Variants in ANK1 observed in about 807,000 individuals in gnomAD.
ANK1 encodes ankyrin 1.
ANK1 carries 51 observed loss-of-function variants against 210.4 expected under a neutral mutation model. The ratio of observed to expected loss-of-function variants is 0.24; its 90% CI spans 0.19 to 0.31. The LOEUF is 0.31. Among genes scored for constraint, ANK1 ranks in the 10% least tolerant of loss-of-function variants. The probability of loss-of-function intolerance (pLI) is 1.00; values close to 1 mark genes in which losing one functional copy is unlikely to be tolerated. For missense variants in ANK1, 2,051 were observed against 2,504.4 expected (o/e 0.82, Z 3.86); for synonymous variants, 967 against 1,025.9 (o/e 0.94, Z 1.10).
intron 1 of ANK1, among the ~76,000 whole-genome samples, chr8:41,843,593 G>C: frequency 6.6e-6 from 1 of 152,148 alleles, no homozygotes; most frequent in Admixed American, 6.5e-5. Flanking sequence ...GCCTCCTCAG[G>C]CCTTCCTGGA....
At chr8:41,873,999 C>T (rs980834112) in intron 1 of ANK1, among the ~76,000 whole-genome samples, 8 of 152,138 alleles carry the variant, frequency 5.3e-5, no homozygotes, top group African/African-American at 1.9e-4. Context: ...CACATGCAGG[C>T]ACACACAAGC....
At chr8:41,781,288 G>A (rs1317283308) in intron 1 of ANK1, among the ~76,000 whole-genome samples, 1 of 152,154 alleles carries the variant, frequency 6.6e-6, no homozygotes, top group Non-Finnish European at 1.5e-5. Flanking sequence ...TCTCTAAAAC[G>A]TGGCAAGCTC....
intron 26 of ANK1, among the ~76,000 whole-genome samples, chr8:41,695,582 G>A (rs1820674625): frequency 6.6e-6 from 1 of 152,214 alleles, no homozygotes; most frequent in Non-Finnish European, 1.5e-5. Context: ...TTTCATGCGG[G>A]CTCTGCTCCT....
intron 1 of ANK1, among the ~76,000 whole-genome samples, chr8:41,776,999 C>T (rs970080141): frequency 6.6e-6 from 1 of 152,248 alleles, no homozygotes; most frequent in African/African-American, 2.4e-5. Flanking sequence ...CATTTTCTTT[C>T]TGTTTAATCC....
At chr8:41,669,787 G>A (rs1002717141) in intron 38 of ANK1, among the ~76,000 whole-genome samples, 3 of 152,084 alleles carry the variant, frequency 2.0e-5, no homozygotes, top group African/African-American at 4.8e-5. Flanking sequence ...CTTTCCTCCC[G>A]ACACACCTCC....
Position 41,724,570 on chromosome 8 carries a change from G to C in ANK1, c.613-16C>G. On this transcript the variant is annotated splice_polypyrimidine_tract_variant and intron_variant, in intron 6 of 42. Coordinates refer to ENST00000289734, the MANE Select transcript of ANK1 (RefSeq NM_000037.4). ...TGAATCCCGTCTGGGGCACAACAGA[G>C]GGGGAGAAACTTGTTATATGTGATT... The C allele has an allele frequency of 6.4e-7, 1 of 1,569,386 alleles. No homozygotes were observed. Among genetic ancestry groups the C allele is most frequent in the Non-Finnish European group, 8.7e-7 (1 of 1,155,880 alleles).
chr8:41,730,514 C>A (rs192696650), intron 3 of ANK1, among the ~76,000 whole-genome samples: 32 of 151,826 alleles, frequency 2.1e-4, no homozygotes, highest in Admixed American at 1.8e-3. Flanking sequence ...AAGGCAGGCA[C>A]TTCCCATCTG....
intron 30 of ANK1, 30 bp from the exon 31 acceptor site, chr8:41,692,906 A>C: frequency 1.2e-6 from 2 of 1,602,656 alleles, no homozygotes; most frequent in African/African-American, 1.3e-5. Flanking sequence ...ATGTGTTCCC[A>C]AGTGCCCAAC....
intron 37 of ANK1, among the ~76,000 whole-genome samples, chr8:41,682,969 A>G (rs540232351): frequency 2.0e-4 from 30 of 152,284 alleles, no homozygotes; most frequent in African/African-American, 5.5e-4. Flanking sequence ...TGGAATCCCC[A>G]AGGGGGTGGA....
intron 16 of ANK1, among the ~76,000 whole-genome samples, chr8:41,712,965 C>G (rs775308385): frequency 9.9e-5 from 15 of 152,176 alleles, no homozygotes; most frequent in Admixed American, 6.5e-5. Context: ...GGACTCACTG[C>G]AGCAGGGACA....
intron 10 of ANK1, 79 bp downstream of exon 10, chr8:41,719,582 A>G (rs1586426443): frequency 1.9e-6 from 3 of 1,589,938 alleles, no homozygotes; most frequent in East Asian, 4.5e-5. Flanking sequence ...CCCTTCCCAC[A>G]GGCCCAGCCA....
At chr8:41,893,636 A>T (rs1302917546) in intron 1 of ANK1, among the ~76,000 whole-genome samples, 1 of 152,208 alleles carries the variant, frequency 6.6e-6, no homozygotes, top group East Asian at 1.9e-4. Flanking sequence ...TAAGTAGGTT[A>T]CCCGCGGGAC....
intron 16 of ANK1, 33 bp downstream of exon 16, chr8:41,714,107 GCAGGTGACCTGCTCTC>G (rs1359585407): frequency 3.3e-5 from 41 of 1,255,518 alleles, no homozygotes; most frequent in Non-Finnish European, 4.1e-5. Flanking sequence ...CTGGAAGGTA[GCAGGTGACCTGCTCTC>G]CAGGGGCAGC....
Position 41,814,726 on chromosome 8 carries a change from AT to A in ANK1, c.127-56590del, listed in dbSNP as rs57383349. Among the ~76,000 whole-genome samples, 372 of 150,510 alleles carry A rather than the reference AT, an allele frequency of 2.5e-3. 3 individuals are homozygous for A. The highest frequency in any genetic ancestry group is 7.0e-3 in the East Asian group (36 of 5,150). On this transcript the variant is annotated intron_variant, in intron 1 of 42. Transcript: ENST00000265709. ...TTTTATTTTTTATTTTTAGATTCTT[AT>A]TTTTTTTTATTATTCATTTTATTTC...
intron 17 of ANK1, among the ~76,000 whole-genome samples, chr8:41,706,632 G>A (rs985759991): frequency 1.3e-5 from 2 of 152,194 alleles, no homozygotes; most frequent in Non-Finnish European, 2.9e-5. Context: ...CTTTCCCATC[G>A]TTGGTGCTTT....
intron 1 of ANK1, among the ~76,000 whole-genome samples, chr8:41,781,750 A>G (rs1437695452): frequency 6.6e-6 from 1 of 152,040 alleles, no homozygotes; most frequent in African/African-American, 2.4e-5. Flanking sequence ...ACCAGCAACC[A>G]ACAGACCCCC....
At chr8:41,660,504 G>A (rs2150538034) in intron 42 of ANK1, 1 of 464,910 alleles carries the variant, frequency 2.2e-6, no homozygotes, top group Non-Finnish European at 4.4e-6. Flanking sequence ...CTCAGTACAG[G>A]ATGCCCCAGG....
chr8:41,700,632 T>C (rs998913788), intron 22 of ANK1, among the ~76,000 whole-genome samples: 26 of 152,204 alleles, frequency 1.7e-4, no homozygotes, highest in Admixed American at 2.6e-4. Context: ...CACCCCACTA[T>C]TCAACATCCT....
In ANK1 at chr8:41,789,340, A is replaced by C. The variant is rs1057495820; in HGVS notation, c.27+8172T>G. 2.6e-5 allele frequency: 4 copies of C among 152,364 alleles called. 1 individual carries two copies. The highest frequency in any genetic ancestry group is 1.9e-4 in the East Asian group (1 of 5,188). The allele number at this position is 152,364 out of a possible 1,614,324, so 9.4% of individuals were successfully genotyped here. A position where few individuals can be genotyped will look rare whatever the true frequency, so the allele number is the denominator to read the frequency against. On this transcript the variant is annotated intron_variant, in intron 1 of 42. Coordinates refer to ENST00000289734, the MANE Select transcript of ANK1 (RefSeq NM_000037.4). Reference sequence around the variant, plus strand: ...TTTATAATCACCGACTTTTCCCAAAAGGCTGGCTCTGATTTCCTGTGTTGC... The same window carrying C: ...TTTATAATCACCGACTTTTCCCAAACGGCTGGCTCTGATTTCCTGTGTTGC...
Sources: allele counts gnomAD v4.1 joint callset (sites outside exome capture counted in the v4.1 genomes callset), GRCh38; gene constraint gnomAD v4.1.1; transcripts MANE v1.5; gene names NCBI Gene and HGNC (gene_info 2026-07-23, HGNC 2026-07-21).